SPECC1: variants seen among roughly 807,000 people sequenced by gnomAD.
SPECC1 encodes the protein sperm antigen with calponin homology and coiled-coil domains 1, also known as cytospin-B.
A neutral mutation model predicts 104.1 loss-of-function variants in SPECC1; 62 were observed. That is an observed-to-expected ratio of 0.60 (90% CI 0.49 to 0.74). The LOEUF is 0.74. SPECC1 is among the 30% of genes least tolerant of loss of function. SPECC1 has a pLI of 0.00. For missense variants in SPECC1, 1,306 were observed against 1,310.5 expected (o/e 1.00, Z 0.05); for synonymous variants, 513 against 501.6 (o/e 1.02, Z -0.30).
At chr17:20,070,768 T>G (rs2046519768) in intron 1 of SPECC1, among the ~76,000 whole-genome samples, 1 of 152,148 alleles carries the variant, frequency 6.6e-6, no homozygotes, top group Non-Finnish European at 1.5e-5. Context: ...GAACCAAAGG[T>G]TATGCACAGA....
chr17:20,281,696 A>G (rs2040776896), intron 12 of SPECC1, among the ~76,000 whole-genome samples: 1 of 152,204 alleles, frequency 6.6e-6, no homozygotes, highest in African/African-American at 2.4e-5. Context: ...TGACTCCAGG[A>G]GGAGAGGAGC....
At chr17:20,225,037 A>G (rs1265694625) in intron 4 of SPECC1, among the ~76,000 whole-genome samples, 2 of 152,092 alleles carry the variant, frequency 1.3e-5, no homozygotes, top group Non-Finnish European at 2.9e-5. Flanking sequence ...CCTTCCTTTC[A>G]TGACAGTGGG....
At chr17:20,238,032 AT>A in intron 7 of SPECC1, 1 of 1,020,742 alleles carries the variant, frequency 9.8e-7, no homozygotes, top group Non-Finnish European at 1.2e-6. Flanking sequence ...TTGAGACCCC[AT>A]GTCTGGCCCC....
chr17:20,269,796 C>CAA (rs2040338700), intron 12 of SPECC1, among the ~76,000 whole-genome samples: 1 of 152,224 alleles, frequency 6.6e-6, no homozygotes, highest in East Asian at 1.9e-4. Context: ...CTGCCCTGTG[C>CAA]CTTTTCCCTT....
At chr17:20,293,070 A>G (rs1029447082) in intron 12 of SPECC1, among the ~76,000 whole-genome samples, 1 of 152,200 alleles carries the variant, frequency 6.6e-6, no homozygotes, top group African/African-American at 2.4e-5. Flanking sequence ...GGTAAACCCT[A>G]CATGTGACAT....
chr17:20,277,760 A>G (rs914811632), intron 12 of SPECC1, among the ~76,000 whole-genome samples: 5 of 152,132 alleles, frequency 3.3e-5, no homozygotes, highest in Non-Finnish European at 5.9e-5. Flanking sequence ...CTCAGCGCCT[A>G]ACCACCGTTC....
At chr17:20,195,929 A>G (rs2036004268) in intron 3 of SPECC1, among the ~76,000 whole-genome samples, 1 of 152,188 alleles carries the variant, frequency 6.6e-6, no homozygotes. Context: ...GAAAAGCTGA[A>G]TAATACCCCT....
At chr17:20,184,725 T>C (rs897812988) in intron 3 of SPECC1, among the ~76,000 whole-genome samples, 2 of 152,236 alleles carry the variant, frequency 1.3e-5, no homozygotes, top group Non-Finnish European at 2.9e-5. Flanking sequence ...GAGAGTTCTA[T>C]ATAAGAGAGG....
At chr17:20,015,650 T>C (rs1205741316) in intron 1 of SPECC1, among the ~76,000 whole-genome samples, 1 of 142,384 alleles carries the variant, frequency 7.0e-6, no homozygotes, top group African/African-American at 2.6e-5. Flanking sequence ...AATGGCACTA[T>C]CTCGGCTCAC....
intron 7 of SPECC1, among the ~76,000 whole-genome samples, chr17:20,233,777 A>G (rs2038744043): frequency 6.6e-6 from 1 of 152,266 alleles, no homozygotes; most frequent in Admixed American, 6.5e-5. Flanking sequence ...CTACTGAAAC[A>G]GTAGTGAGGC....
intron 3 of SPECC1, among the ~76,000 whole-genome samples, chr17:20,118,832 C>T (rs1033509756): frequency 1.3e-5 from 2 of 151,964 alleles, no homozygotes; most frequent in Non-Finnish European, 2.9e-5. Flanking sequence ...TTTTTTTTGC[C>T]TTCACAAAAT....
intron 1 of SPECC1, among the ~76,000 whole-genome samples, chr17:20,037,801 A>T (rs1192216569): frequency 6.6e-6 from 1 of 152,174 alleles, no homozygotes; most frequent in Non-Finnish European, 1.5e-5. Flanking sequence ...TTTTCACAGT[A>T]CATACATCTC....
chr17:20,219,488 A>T (rs1031207210), intron 4 of SPECC1, among the ~76,000 whole-genome samples: 3 of 152,166 alleles, frequency 2.0e-5, no homozygotes, highest in African/African-American at 7.2e-5. Context: ...AAGAATGTCT[A>T]GTAAGATCTT....
At chr17:20,157,733 G>A (rs1437010038) in intron 3 of SPECC1, among the ~76,000 whole-genome samples, 1 of 152,302 alleles carries the variant, frequency 6.6e-6, no homozygotes, top group South Asian at 2.1e-4. Context: ...GACATAAAAA[G>A]AATATGTTTA....
intron 7 of SPECC1, chr17:20,239,131 A>G (rs2039075992): frequency 3.9e-6 from 4 of 1,014,522 alleles, no homozygotes; most frequent in South Asian, 4.6e-5. Flanking sequence ...TAAATTTTTA[A>G]AACTCTAGGG....
intron 3 of SPECC1, among the ~76,000 whole-genome samples, chr17:20,194,690 G>A (rs1019738382): frequency 6.6e-6 from 1 of 151,474 alleles, no homozygotes; most frequent in African/African-American, 2.4e-5. Context: ...TATTTTAGTA[G>A]AGATGGGGTT....
At chr17:20,246,595 G>T (rs2039431999) in intron 8 of SPECC1, among the ~76,000 whole-genome samples, 1 of 152,120 alleles carries the variant, frequency 6.6e-6, no homozygotes, top group African/African-American at 2.4e-5. Flanking sequence ...AGCTTTTCCT[G>T]GTGTTGTCTG....
chr17:20,023,364 G>T (rs2044470005), intron 1 of SPECC1, among the ~76,000 whole-genome samples: 1 of 152,054 alleles, frequency 6.6e-6, no homozygotes, highest in Non-Finnish European at 1.5e-5. Context: ...ATGAATACAT[G>T]GTAAGTACCT....
At chr17:20,226,857 A>G (rs1224939209) in intron 4 of SPECC1, among the ~76,000 whole-genome samples, 1 of 152,130 alleles carries the variant, frequency 6.6e-6, no homozygotes, top group Non-Finnish European at 1.5e-5. Flanking sequence ...AGCCCCAAGT[A>G]TCTTATCTCT....
Sources: gnomAD v4.1 joint callset for allele counts (sites outside exome capture counted in the v4.1 genomes callset) on GRCh38, gnomAD v4.1.1 for gene constraint, MANE v1.5 for transcripts, NCBI Gene and HGNC (gene_info 2026-07-23, HGNC 2026-07-21) for gene names.